MPHOSPH9: variants seen among roughly 807,000 people sequenced by gnomAD.
MPHOSPH9 encodes M-phase phosphoprotein 9.
In MPHOSPH9, 88 loss-of-function variants were observed where a neutral mutation model predicts 145.5. The observed-to-expected ratio is 0.60, with a 90% CI of 0.51 to 0.72. The LOEUF (loss-of-function observed/expected upper bound fraction) is 0.72, where lower values mean the gene tolerates loss of function less well. Among genes scored for constraint, MPHOSPH9 ranks in the 30% least tolerant of loss-of-function variants. The probability of loss-of-function intolerance (pLI) is 0.00; values close to 1 mark genes in which losing one functional copy is unlikely to be tolerated. For synonymous variants in MPHOSPH9, 435 were observed against 486.2 expected, an observed-to-expected ratio of 0.89 and a Z score of 1.39; for missense variants, 1,238 against 1,386.6, an observed-to-expected ratio of 0.89 and a Z score of 1.70.
intron 13 of MPHOSPH9, among the ~76,000 whole-genome samples, chr12:123,185,704 C>T (rs866775575): frequency 1.3e-5 from 2 of 152,084 alleles, no homozygotes; most frequent in Non-Finnish European, 1.5e-5. Context: ...ATGAATATGC[C>T]TACTGTACTC....
At chr12:123,238,787 A>C (rs553992641) in intron 1 of MPHOSPH9, among the ~76,000 whole-genome samples, 1 of 152,232 alleles carries the variant, frequency 6.6e-6, no homozygotes, top group South Asian at 2.1e-4. Flanking sequence ...TGAAATCTTC[A>C]TTCCTAACCA....
intron 3 of MPHOSPH9, among the ~76,000 whole-genome samples, chr12:123,226,613 G>A (rs1469591084): frequency 6.6e-6 from 1 of 151,644 alleles, no homozygotes; most frequent in Non-Finnish European, 1.5e-5. Context: ...CTCAAGTGCT[G>A]GGATTACAGG....
At chr12:123,180,330 A>G (rs1448204986) in intron 14 of MPHOSPH9, among the ~76,000 whole-genome samples, 1 of 152,196 alleles carries the variant, frequency 6.6e-6, no homozygotes, top group African/African-American at 2.4e-5. Context: ...ATATCATGGG[A>G]TCTGCTCCCG....
At chr12:123,214,006 G>A (rs2046856165) in intron 7 of MPHOSPH9, among the ~76,000 whole-genome samples, 1 of 152,006 alleles carries the variant, frequency 6.6e-6, no homozygotes. Flanking sequence ...AGATTTGTAA[G>A]GCAAAGCTAA....
intron 8 of MPHOSPH9, among the ~76,000 whole-genome samples, chr12:123,207,684 T>C (rs2046496666): frequency 6.6e-6 from 1 of 151,878 alleles, no homozygotes; most frequent in African/African-American, 2.4e-5. Context: ...TGAAACCCTG[T>C]CTCTACACAA....
chr12:123,214,047 GA>G (rs1022768153), intron 7 of MPHOSPH9, among the ~76,000 whole-genome samples: 20 of 150,726 alleles, frequency 1.3e-4, no homozygotes, highest in African/African-American at 1.7e-4. Flanking sequence ...GTGGGATATG[GA>G]AAAAAAAAAA....
rs935119521 is a variant in MPHOSPH9 at position 123,163,067 on chromosome 12, G to A, written c.2976C>T (p.Asn992=). The change falls in exon 20 of 24, where the codon AAC becomes AAT. Residue 992 remains asparagine, a synonymous_variant. Coordinates refer to ENST00000606320, the MANE Select transcript of MPHOSPH9 (RefSeq NM_022782.4). The part of the protein sequence containing the change: ...AYSPKRSPKE[N]LSPGFSHLLS... ...GCAGATGACTAAATCCTGGGGACAA[G>A]TTTTCTTTAGGGGATCGCTTTGGAC... is the stretch of plus-strand genomic sequence containing the variant. 1.3e-6 allele frequency: 2 copies of A among 1,597,592 alleles called. No homozygotes were observed. Among genetic ancestry groups the A allele is most frequent in the Admixed American group, 3.6e-5 (2 of 55,670 alleles).
chr12:123,179,532 GC>G (rs1325758951), intron 15 of MPHOSPH9, among the ~76,000 whole-genome samples: 2 of 151,982 alleles, frequency 1.3e-5, no homozygotes, highest in African/African-American at 2.4e-5. Context: ...CCAAGATTGT[GC>G]CACTGCACTC....
At chr12:123,166,399 C>A in intron 17 of MPHOSPH9, 1 of 457,086 alleles carries the variant, frequency 2.2e-6, no homozygotes, top group Non-Finnish European at 3.8e-6. Context: ...AGCCACCACA[C>A]CTGGCCTGAG....
intron 1 of MPHOSPH9, among the ~76,000 whole-genome samples, chr12:123,232,717 G>A (rs895472318): frequency 1.5e-4 from 23 of 152,096 alleles, no homozygotes; most frequent in Non-Finnish European, 3.1e-4. Flanking sequence ...AGGGAGGACG[G>A]AGAAAAGCCA....
chr12:123,226,394 GT>G, intron 3 of MPHOSPH9: 2 of 906,638 alleles, frequency 2.2e-6, no homozygotes, highest in Non-Finnish European at 2.9e-6. Flanking sequence ...TACAATTAAC[GT>G]TTAAAACAAG....
Position 123,221,894 on chromosome 12 carries a change from T to G in MPHOSPH9, c.350A>C (p.His117Pro). 6.6e-7 allele frequency: 1 copy of G among 1,505,386 alleles called. No homozygotes were observed. The highest frequency in any genetic ancestry group is 2.3e-5 in the East Asian group (1 of 43,140). 93.3% of individuals were successfully genotyped at this position (1,505,386 alleles called of 1,614,324 possible). Residue 117 changes from histidine to proline, a missense_variant and splice_region_variant, in exon 5 of 24, where the codon CAT becomes CCT. By Grantham distance (77) the His-to-Pro change is moderately conservative. Transcript: ENST00000606320. ...TAAATTTTTTATCTCCTCCTGTATATGCTGGAAATAAAAAGTTATAGATTT... is the reference window on the plus strand; with the variant it reads ...TAAATTTTTTATCTCCTCCTGTATAGGCTGGAAATAAAAAGTTATAGATTT... ...QQEQFHNQIQ[H>P]IQEEIKNLVK...
intron 3 of MPHOSPH9, among the ~76,000 whole-genome samples, 196 bp downstream of exon 3, chr12:123,227,267 T>C (rs1347553536): frequency 6.6e-6 from 1 of 152,198 alleles, no homozygotes; most frequent in Non-Finnish European, 1.5e-5. Context: ...CAGTAATATA[T>C]TGTTAAAAAA....
rs777282557 is a variant in MPHOSPH9 at position 123,221,442 on chromosome 12, G to A, written c.802C>T (p.Pro268Ser). The change falls in exon 5 of 24, where the codon CCT (proline) becomes TCT (serine). Residue 268 changes from proline (P) to serine (S), a missense_variant. Transcript: ENST00000606320. ...VSLKEDVSIS[P>S]GEFEHNFLGE... ...AGAAAATTATGTTCAAATTCACCAG[G>A]AGAAATGGATACATCTTCCTTTAAA... is the stretch of plus-strand genomic sequence containing the variant. 3 of 1,612,652 alleles carry A rather than the reference G, an allele frequency of 1.9e-6. No homozygotes were observed. Among genetic ancestry groups the A allele is most frequent in the South Asian group, 2.2e-5 (2 of 90,632 alleles).
intron 8 of MPHOSPH9, among the ~76,000 whole-genome samples, chr12:123,207,377 G>T (rs2046481657): frequency 6.6e-6 from 1 of 151,824 alleles, no homozygotes; most frequent in Admixed American, 6.6e-5. Flanking sequence ...TCTCTGTGTT[G>T]ACCTGTGTCT....
At position 123,214,754 on chromosome 12, in the gene MPHOSPH9, A is replaced by G; in HGVS notation, c.1077T>C (p.Asp359=). ...PDETPNAWMS[D]SGTGLTYWKL... ...ATGTAAGTATCATACCTGTTCCTGAATCAGACATCCAAGCATTTGGAGTTT... is the reference window on the plus strand; with the variant it reads ...ATGTAAGTATCATACCTGTTCCTGAGTCAGACATCCAAGCATTTGGAGTTT... The change falls in exon 7 of 24, where the codon GAT becomes GAC. Residue 359 remains aspartate (D), a synonymous_variant. Transcript: ENST00000606320. 6.2e-7 allele frequency: 1 copy of G among 1,610,778 alleles called. No individual in the cohort carries two copies. Among genetic ancestry groups the G allele is most frequent in the Non-Finnish European group, 8.5e-7 (1 of 1,177,026 alleles).
intron 23 of MPHOSPH9, among the ~76,000 whole-genome samples, chr12:123,157,781 C>G (rs758910794): frequency 5.9e-5 from 9 of 152,026 alleles, no homozygotes; most frequent in Admixed American, 3.3e-4. Context: ...GCCACTATAC[C>G]CAGCCTCATT....
At chr12:123,213,858 T>C (rs1330516552) in intron 7 of MPHOSPH9, among the ~76,000 whole-genome samples, 2 of 152,142 alleles carry the variant, frequency 1.3e-5, no homozygotes, top group African/African-American at 2.4e-5. Context: ...TTGTCTACTA[T>C]GTTGAGAACA....
downstream of MPHOSPH9, among the ~76,000 whole-genome samples, chr12:123,153,754 G>C (rs554085238): frequency 8.1e-4 from 73 of 90,328 alleles, no homozygotes; most frequent in African/African-American, 3.2e-3. Context: ...CAGAACTAGA[G>C]ACTCCATCTC....
Sources: gnomAD v4.1 joint callset for allele counts (sites outside exome capture counted in the v4.1 genomes callset) on GRCh38, gnomAD v4.1.1 for gene constraint, MANE v1.5 for transcripts, NCBI Gene and HGNC (gene_info 2026-07-23, HGNC 2026-07-21) for gene names.